Variants in RNF150 observed in about 807,000 individuals in gnomAD.
RNF150 encodes ring finger protein 150.
In RNF150, 24 loss-of-function variants were observed where a neutral mutation model predicts 39.3. The observed-to-expected ratio is 0.61, with a 90% CI of 0.44 to 0.86. The LOEUF (loss-of-function observed/expected upper bound fraction) is 0.86. Among genes scored for constraint, RNF150 ranks in the 40% least tolerant of loss-of-function variants. The pLI, the probability that RNF150 is intolerant of heterozygous loss-of-function variation, is 0.00. For synonymous variants in RNF150, 255 were observed against 227.3 expected, an observed-to-expected ratio of 1.12 and a Z score of -1.10; for missense variants, 502 against 587.8, an observed-to-expected ratio of 0.85 and a Z score of 1.51.
intron 1 of RNF150, among the ~76,000 whole-genome samples, chr4:141,140,279 TTTGCTCCTTTGAATTATCAA>T (rs1315201490): frequency 3.9e-5 from 6 of 152,250 alleles, no homozygotes; most frequent in Non-Finnish European, 8.8e-5. Flanking sequence ...TTTTTTCTTT[TTTGCTCCTTTGAATTATCAA>T]GTGACTTCTT....
chr4:141,043,899 C>T (rs1715043164), intron 1 of RNF150, among the ~76,000 whole-genome samples: 1 of 152,052 alleles, frequency 6.6e-6, no homozygotes, highest in Non-Finnish European at 1.5e-5. Context: ...CAATGCACAC[C>T]AGTGTTATGG....
At chr4:140,886,196 A>C (rs1234871161) in intron 6 of RNF150, among the ~76,000 whole-genome samples, 2 of 151,562 alleles carry the variant, frequency 1.3e-5, no homozygotes, top group Non-Finnish European at 2.9e-5. Context: ...ATCACAAAAA[A>C]AAAAAAAAAA....
intron 5 of RNF150, among the ~76,000 whole-genome samples, chr4:140,922,736 T>A (rs1177511266): frequency 6.6e-6 from 1 of 152,084 alleles, no homozygotes; most frequent in African/African-American, 2.4e-5. Flanking sequence ...AAGGCTACAG[T>A]AATCAAAACA....
At chr4:140,947,818 C>CT in intron 3 of RNF150, 82 bp from the exon 4 acceptor site, 1 of 931,956 alleles carries the variant, frequency 1.1e-6, no homozygotes, top group Non-Finnish European at 1.6e-6. Flanking sequence ...CCAAGGAGAG[C>CT]TTGCCTGGAG....
intron 6 of RNF150, among the ~76,000 whole-genome samples, chr4:140,898,894 G>T (rs1412360632): frequency 6.6e-6 from 1 of 152,128 alleles, no homozygotes; most frequent in African/African-American, 2.4e-5. Context: ...TGTGCTGACA[G>T]CCCTGATTAA....
chr4:141,209,267 G>T (rs1030141598), intron 1 of RNF150, among the ~76,000 whole-genome samples: 1 of 151,754 alleles, frequency 6.6e-6, no homozygotes, highest in Admixed American at 6.6e-5. Flanking sequence ...ATGCAAAATA[G>T]TATGTTTAAT....
chr4:141,132,769 G>A lies in RNF150; in HGVS notation c.40C>T (p.Leu14Phe), dbSNP rs754347097. 2.5e-6 allele frequency: 4 copies of A among 1,610,278 alleles called. No homozygotes were observed. The highest frequency in any genetic ancestry group is 2.5e-6 in the Non-Finnish European group (3 of 1,178,464). The change falls in exon 1 of 7, where the codon CTC (leucine) becomes TTC (phenylalanine). Residue 14 changes from leucine (L) to phenylalanine (F), a missense_variant. Leu to Phe is a conservative substitution (Grantham distance 22). Coordinates refer to ENST00000515673, the MANE Select transcript of RNF150 (RefSeq NM_020724.2). The surrounding 1 kb of genome is among the most constrained non-coding windows in gnomAD (Gnocchi z 4.9). ...CAAAAGGAAAGCAGCCATGTTGAGA[G>A]AGCCAGACTGCAGCACGCTTGGATG... ...SLIQACCSLA[L>F]STWLLSFCFV...
chr4:141,082,091 T>C lies in RNF150; in HGVS notation c.484+50234A>G, dbSNP rs546662203. 5.9e-5 allele frequency among the ~76,000 whole-genome samples: 9 copies of C among 152,326 alleles called. No individual in the cohort carries two copies. In the East Asian group the frequency reaches 1.2e-3, roughly 20 times the overall value. ...ACGTTAATTGCACAGTCACAACACA[T>C]GGGCAAGAGGCACCACTGCAGTGCA... is the stretch of plus-strand genomic sequence containing the variant. On this transcript the variant is annotated intron_variant, in intron 1 of 6. Coordinates refer to ENST00000515673, the MANE Select transcript of RNF150 (RefSeq NM_020724.2).
chr4:141,132,834 G>GC lies in RNF150; in HGVS notation c.-27dup. 6.5e-7 allele frequency: 1 copy of GC among 1,541,950 alleles called. No homozygotes were observed. Among genetic ancestry groups the GC allele is most frequent in the Non-Finnish European group, 8.9e-7 (1 of 1,122,828 alleles). On this transcript the variant is annotated 5_prime_UTR_variant, in exon 1 of 7. Coordinates refer to ENST00000515673, the MANE Select transcript of RNF150 (RefSeq NM_020724.2). This position sits in a 1 kb window ranked among gnomAD's most constrained non-coding sequence, Gnocchi z 4.9. ...CTTTATCCGCCGGGGCCCCCTCCCC[G>GC]CCCCCGCGCCCTCCCTCCGTCCCGT...
intron 1 of RNF150, among the ~76,000 whole-genome samples, chr4:141,113,245 C>T (rs573314560): frequency 7.4e-4 from 112 of 150,896 alleles, no homozygotes; most frequent in African/African-American, 2.6e-3. Flanking sequence ...CAAGACCCAT[C>T]GGTGTGCTGT....
chr4:140,942,493 A>G (rs1182605564), intron 4 of RNF150, among the ~76,000 whole-genome samples: 1 of 152,248 alleles, frequency 6.6e-6, no homozygotes, highest in Non-Finnish European at 1.5e-5. Flanking sequence ...CCTGTTCCCA[A>G]ATAAGACCTT....
At chr4:141,202,719 T>G (rs1728309606) in intron 1 of RNF150, among the ~76,000 whole-genome samples, 1 of 152,026 alleles carries the variant, frequency 6.6e-6, no homozygotes, top group Admixed American at 6.6e-5. Context: ...TTTTATTGTC[T>G]GTGGTCAAAT....
At chr4:141,010,574 A>T (rs1345481156) in intron 1 of RNF150, among the ~76,000 whole-genome samples, 1 of 152,186 alleles carries the variant, frequency 6.6e-6, no homozygotes. Context: ...TTCTCTTCAT[A>T]AAGACCTAGT....
chr4:141,102,521 T>C (rs1481576451), intron 1 of RNF150, among the ~76,000 whole-genome samples: 1 of 152,148 alleles, frequency 6.6e-6, no homozygotes, highest in Non-Finnish European at 1.5e-5. Context: ...AGGAAGATAA[T>C]GTCACATTCA....
At chr4:140,937,644 G>A (rs1409533535) in intron 4 of RNF150, among the ~76,000 whole-genome samples, 1 of 151,426 alleles carries the variant, frequency 6.6e-6, no homozygotes, top group East Asian at 1.9e-4. Flanking sequence ...AATATTAATT[G>A]CTTGACTCTA....
rs6855949 is a variant in RNF150 at position 141,119,947 on chromosome 4, A to G, written c.484+12378T>C. On this transcript the variant is annotated intron_variant, in intron 1 of 6. Transcript: ENST00000515673. ...AAATATTACCTTCCATACCTTCAATATAAGGCAGAAAAAGTGTATATAATA... is the reference window on the plus strand; with the variant it reads ...AAATATTACCTTCCATACCTTCAATGTAAGGCAGAAAAAGTGTATATAATA... Among the ~76,000 whole-genome samples, 351 of 152,360 alleles carry G rather than the reference A, an allele frequency of 2.3e-3. 4 individuals are homozygous for G. The highest frequency in any genetic ancestry group is 0.019 in the South Asian group (92 of 4,826).
intron 2 of RNF150, among the ~76,000 whole-genome samples, chr4:140,958,880 A>AT (rs1224163362): frequency 6.6e-6 from 1 of 152,216 alleles, no homozygotes; most frequent in Admixed American, 6.5e-5. Context: ...ACAGTAAAAT[A>AT]TTTTTTGTAA....
intron 5 of RNF150, among the ~76,000 whole-genome samples, chr4:140,923,904 AG>A (rs1731270129): frequency 6.6e-6 from 1 of 150,852 alleles, no homozygotes; most frequent in Admixed American, 6.6e-5. Flanking sequence ...TCTCACTCAT[AG>A]GTGGGAATTG....
chr4:141,002,291 T>C (rs1269327502), intron 1 of RNF150, among the ~76,000 whole-genome samples: 2 of 152,098 alleles, frequency 1.3e-5, no homozygotes, highest in Non-Finnish European at 2.9e-5. Flanking sequence ...CAGTCTTTAT[T>C]GTACTTGATT....
Sources: allele counts gnomAD v4.1 joint callset (sites outside exome capture counted in the v4.1 genomes callset), GRCh38; gene constraint gnomAD v4.1.1; non-coding constraint Gnocchi (gnomAD v3.1); transcripts MANE v1.5; gene names NCBI Gene and HGNC (gene_info 2026-07-23, HGNC 2026-07-21).